Variants in DLG2 observed in about 807,000 individuals in gnomAD.
The protein encoded by DLG2 is disks large homolog 2.
Under a neutral mutation model 132.5 loss-of-function variants are expected in DLG2, and 45 were observed. The observed-to-expected ratio is 0.34, with a 90% CI of 0.27 to 0.44. The LOEUF (loss-of-function observed/expected upper bound fraction) is 0.44, where lower values mean the gene tolerates loss of function less well. Ranked by LOEUF, DLG2 falls within the 20% of genes least tolerant of loss-of-function variation. DLG2 has a pLI of 1.00. For missense variants in DLG2, 1,045 were observed against 1,196.9 expected, an observed-to-expected ratio of 0.87 and a Z score of 1.87; for synonymous variants, 424 against 419.6, an observed-to-expected ratio of 1.01 and a Z score of -0.13.
intron 18 of DLG2, among the ~76,000 whole-genome samples, chr11:83,757,360 T>G (rs1385876755): frequency 1.3e-5 from 2 of 152,242 alleles, no homozygotes; most frequent in Admixed American, 1.3e-4. Context: ...GAGTGGAGAC[T>G]GCATTGTTTA....
intron 6 of DLG2, among the ~76,000 whole-genome samples, chr11:84,756,676 T>G (rs1261170507): frequency 1.3e-5 from 2 of 152,202 alleles, no homozygotes; most frequent in Admixed American, 6.5e-5. Flanking sequence ...CGTCTCTGAG[T>G]AAACCAAGCT....
chr11:83,886,154 A>G (rs2067819171), intron 15 of DLG2, among the ~76,000 whole-genome samples: 1 of 152,226 alleles, frequency 6.6e-6, no homozygotes, highest in Non-Finnish European at 1.5e-5. Context: ...ACAGACTGGC[A>G]AATTGGATAA....
intron 22 of DLG2, among the ~76,000 whole-genome samples, chr11:83,475,764 CT>C (rs1333326362): frequency 6.9e-6 from 1 of 144,564 alleles, no homozygotes; most frequent in Non-Finnish European, 1.5e-5. Flanking sequence ...GTTTCTTTTT[CT>C]TTTGCTGTTG....
intron 16 of DLG2, among the ~76,000 whole-genome samples, chr11:83,848,563 T>A (rs1359853735): frequency 6.6e-6 from 1 of 152,208 alleles, no homozygotes; most frequent in Non-Finnish European, 1.5e-5. Context: ...GCTCATCTAG[T>A]ACTTCCAATC....
intron 3 of DLG2, among the ~76,000 whole-genome samples, chr11:85,480,461 T>C (rs2093260936): frequency 6.6e-6 from 1 of 152,050 alleles, no homozygotes; most frequent in Admixed American, 6.6e-5. Context: ...ATGAATCTCA[T>C]AGATGTGATA....
chr11:84,783,749 T>C (rs547071686), intron 6 of DLG2, among the ~76,000 whole-genome samples: 3 of 152,266 alleles, frequency 2.0e-5, no homozygotes, highest in African/African-American at 7.2e-5. Context: ...AGAGTCAGAA[T>C]TAAAGGTTTT....
At chr11:85,404,133 AGGGT>A in intron 3 of DLG2, among the ~76,000 whole-genome samples, 1 of 152,016 alleles carries the variant, frequency 6.6e-6, no homozygotes, top group East Asian at 1.9e-4. Flanking sequence ...TTAGAAGATA[AGGGT>A]AGGATCCACG....
intron 4 of DLG2, among the ~76,000 whole-genome samples, chr11:85,245,467 T>A (rs2076087246): frequency 2.0e-5 from 3 of 151,946 alleles, no homozygotes; most frequent in Admixed American, 2.0e-4. Context: ...CTTCAGAATA[T>A]ATTGAGAATC....
intron 4 of DLG2, among the ~76,000 whole-genome samples, chr11:85,239,972 T>C (rs2075796605): frequency 6.6e-6 from 1 of 151,946 alleles, no homozygotes. Context: ...TACAAGACCA[T>C]GCCAAACTAA....
chr11:84,012,868 T>C (rs2094962355), intron 11 of DLG2, among the ~76,000 whole-genome samples: 1 of 152,150 alleles, frequency 6.6e-6, no homozygotes, highest in African/African-American at 2.4e-5. Context: ...TCATCTAGCC[T>C]TTACTTAAAT....
At position 83,994,236 on chromosome 11, in the gene DLG2, G is replaced by A. The variant is rs2093893656; in HGVS notation, c.920-13594C>T. Among the ~76,000 whole-genome samples, 2 of 152,094 alleles carry A rather than the reference G, an allele frequency of 1.3e-5. 1 individual carries two copies. Among genetic ancestry groups the A allele is most frequent in the South Asian group, 4.1e-4 (2 of 4,820 alleles). Reference sequence around the variant, plus strand: ...AATGAACACCAACTAATCACAATACGTAGCTGCCATAAATAACTGCTGTGA... The same window carrying A: ...AATGAACACCAACTAATCACAATACATAGCTGCCATAAATAACTGCTGTGA... On this transcript the variant is annotated intron_variant, in intron 11 of 27. Transcript: ENST00000376104.
chr11:84,726,621 A>G (rs770857011), intron 6 of DLG2, among the ~76,000 whole-genome samples: 3 of 152,120 alleles, frequency 2.0e-5, no homozygotes. Flanking sequence ...TCCTTTGGGT[A>G]TACACCCAGT....
At chr11:85,498,726 CTG>C (rs1421780120) in intron 3 of DLG2, among the ~76,000 whole-genome samples, 1 of 152,176 alleles carries the variant, frequency 6.6e-6, no homozygotes, top group African/African-American at 2.4e-5. Context: ...TCACAACAAA[CTG>C]TCTCTCAGAC....
intron 3 of DLG2, among the ~76,000 whole-genome samples, chr11:85,569,394 G>T (rs763943621): frequency 6.6e-6 from 1 of 152,128 alleles, no homozygotes; most frequent in Non-Finnish European, 1.5e-5. Flanking sequence ...GTTTAACTGC[G>T]TAAGTTTGGT....
intron 11 of DLG2, among the ~76,000 whole-genome samples, chr11:83,983,463 T>C (rs1231134630): frequency 6.6e-6 from 1 of 152,086 alleles, no homozygotes; most frequent in Non-Finnish European, 1.5e-5. Context: ...TACTTCACTA[T>C]ACTTTTATTG....
At chr11:85,580,627 T>C (rs1036607911) in intron 3 of DLG2, among the ~76,000 whole-genome samples, 1 of 152,176 alleles carries the variant, frequency 6.6e-6, no homozygotes, top group Non-Finnish European at 1.5e-5. Flanking sequence ...CATCCCCAAT[T>C]TACAGAAAGC....
chr11:85,262,496 T>A (rs901102605), intron 4 of DLG2, among the ~76,000 whole-genome samples: 1 of 151,798 alleles, frequency 6.6e-6, no homozygotes, highest in African/African-American at 2.4e-5. Flanking sequence ...TTAATGGGAG[T>A]CTGAAGGAAC....
At chr11:84,685,300 A>G (rs2099737157) in intron 6 of DLG2, among the ~76,000 whole-genome samples, 1 of 152,252 alleles carries the variant, frequency 6.6e-6, no homozygotes, top group South Asian at 2.1e-4. Flanking sequence ...CCTGGCACAC[A>G]GGAAATAGTC....
intron 4 of DLG2, among the ~76,000 whole-genome samples, chr11:85,226,253 T>A (rs1224552719): frequency 6.6e-6 from 1 of 151,006 alleles, no homozygotes; most frequent in African/African-American, 2.4e-5. Flanking sequence ...TGTGGGTGGA[T>A]GGATGGATGG....
Sources: allele counts gnomAD v4.1 joint callset (sites outside exome capture counted in the v4.1 genomes callset), GRCh38; gene constraint gnomAD v4.1.1; transcripts MANE v1.5; gene names NCBI Gene and HGNC (gene_info 2026-07-23, HGNC 2026-07-21).